NELL2: variants seen among roughly 807,000 people sequenced by gnomAD.
NELL2 encodes the protein neural EGFL like 2.
In NELL2, 41 loss-of-function variants were observed where a neutral mutation model predicts 109.6. That is an observed-to-expected ratio of 0.37 (90% CI 0.29 to 0.49). The LOEUF (loss-of-function observed/expected upper bound fraction) is 0.49, where lower values mean the gene tolerates loss of function less well. NELL2 is among the 20% of genes least tolerant of loss of function. The pLI, the probability that NELL2 is intolerant of heterozygous loss-of-function variation, is 0.98. For missense variants in NELL2, 900 were observed against 1,008.3 expected (o/e 0.89, Z 1.45); for synonymous variants, 355 against 344.7 (o/e 1.03, Z -0.33).
At chr12:44,703,922 T>C in intron 11 of NELL2, 68 bp from the exon 12 acceptor site, 1 of 1,388,666 alleles carries the variant, frequency 7.2e-7, no homozygotes. Flanking sequence ...TCCTACTTAA[T>C]ATTTTCTTTA....
At chr12:44,799,873 T>C (rs1270895123) in intron 3 of NELL2, among the ~76,000 whole-genome samples, 4 of 152,200 alleles carry the variant, frequency 2.6e-5, no homozygotes, top group Non-Finnish European at 5.9e-5. Flanking sequence ...TTCTACATTA[T>C]GTTTAAACAT....
intron 15 of NELL2, among the ~76,000 whole-genome samples, chr12:44,593,352 G>A (rs766660635): frequency 2.0e-5 from 3 of 152,148 alleles, no homozygotes; most frequent in South Asian, 2.1e-4. Context: ...TGCAAAAAAA[G>A]GCAGTCAGGC....
intron 9 of NELL2, among the ~76,000 whole-genome samples, chr12:44,773,435 C>T (rs977168620): frequency 3.3e-5 from 5 of 151,726 alleles, no homozygotes; most frequent in Non-Finnish European, 7.4e-5. Flanking sequence ...GAAATCACGC[C>T]ACTGCACTCC....
chr12:44,565,832 G>A (rs568522984), intron 15 of NELL2, among the ~76,000 whole-genome samples: 7 of 152,282 alleles, frequency 4.6e-5, no homozygotes, highest in Admixed American at 3.9e-4. Context: ...TAGTGGGGAA[G>A]GAATGGGAAA....
intron 3 of NELL2, 143 bp downstream of exon 3, chr12:44,815,843 T>G: frequency 1.2e-6 from 1 of 816,642 alleles, no homozygotes; most frequent in Non-Finnish European, 1.8e-6. Flanking sequence ...GGTCTTGAAC[T>G]CCTGACCTCG....
intron 13 of NELL2, among the ~76,000 whole-genome samples, chr12:44,654,924 C>T (rs749746777): frequency 2.6e-5 from 4 of 152,134 alleles, no homozygotes; most frequent in Middle Eastern, 3.2e-3. Flanking sequence ...TTCATCCTGG[C>T]TAACATGTCA....
chr12:44,653,197 G>A (rs1444305995), intron 13 of NELL2, among the ~76,000 whole-genome samples: 1 of 152,092 alleles, frequency 6.6e-6, no homozygotes, highest in African/African-American at 2.4e-5. Flanking sequence ...TGCTTATTAT[G>A]TTCCAGGTAT....
intron 13 of NELL2, among the ~76,000 whole-genome samples, chr12:44,634,255 G>A (rs1946557474): frequency 1.3e-5 from 2 of 151,976 alleles, no homozygotes; most frequent in African/African-American, 2.4e-5. Context: ...CATGTGTCAC[G>A]GTGGTTTGCT....
intron 15 of NELL2, among the ~76,000 whole-genome samples, chr12:44,551,160 C>A (rs1283208843): frequency 6.6e-6 from 1 of 152,142 alleles, no homozygotes; most frequent in African/African-American, 2.4e-5. Flanking sequence ...TAATTATATA[C>A]AGCCTTTTGT....
intron 13 of NELL2, among the ~76,000 whole-genome samples, chr12:44,628,314 C>T (rs987673766): frequency 1.1e-4 from 16 of 152,116 alleles, no homozygotes; most frequent in Admixed American, 1.0e-3. Context: ...TTAGACTTTG[C>T]AGTTATCCAG....
At chr12:44,759,646 G>C (rs1304665747) in intron 9 of NELL2, among the ~76,000 whole-genome samples, 3 of 152,126 alleles carry the variant, frequency 2.0e-5, no homozygotes, top group Admixed American at 2.0e-4. Context: ...ATTAAATTCT[G>C]GGATGTTTTG....
rs372768440 is a variant in NELL2, at chr12:44,684,483, T to C, written c.1319-18874A>G. On this transcript the variant is annotated intron_variant, in intron 12 of 19. Transcript: ENST00000429094. Reference sequence around the variant, plus strand: ...AGCTTTTGAATGTGTTTGCTCTTGCTTTTCTAGTTCTTTTAATTGTGATGT... The same window carrying C: ...AGCTTTTGAATGTGTTTGCTCTTGCCTTTCTAGTTCTTTTAATTGTGATGT... Among the ~76,000 whole-genome samples the C allele has an allele frequency of 5.1e-3, 774 of 152,320 alleles. 5 individuals are homozygous for C. The highest frequency in any genetic ancestry group is 8.1e-3 in the Non-Finnish European group (548 of 68,016).
chr12:44,520,220 C>T lies in NELL2; in HGVS notation c.2185G>A (p.Val729Ile). Reference sequence around the variant, plus strand: ...GGGCAAGGCAGGGGCCAACAATCAACTTCCCCTTGCTACAAGGAAAGCAGA... The same window carrying T: ...GGGCAAGGCAGGGGCCAACAATCAATTTCCCCTTGCTACAAGGAAAGCAGA... The part of the protein sequence containing the change: ...CQQCRCLQGE[V>I]DCWPLPCPDV... The change falls in exon 19 of 20, where the codon GTT (valine) becomes ATT (isoleucine). Residue 729 changes from valine (V) to isoleucine (I), a missense_variant. Val to Ile is a conservative substitution (Grantham distance 29, BLOSUM62 3). Coordinates refer to ENST00000429094, the MANE Select transcript of NELL2 (RefSeq NM_001145108.2). The T allele has an allele frequency of 3.7e-6, 6 of 1,609,924 alleles. No individual in the cohort carries two copies. Among genetic ancestry groups the T allele is most frequent in the Non-Finnish European group, 5.1e-6 (6 of 1,178,196 alleles).
At chr12:44,884,597 C>G (rs1945450140) in intron 1 of NELL2, among the ~76,000 whole-genome samples, 1 of 151,844 alleles carries the variant, frequency 6.6e-6, no homozygotes, top group African/African-American at 2.4e-5. Flanking sequence ...GAAAATAAAA[C>G]TAGAACATAG....
chr12:44,641,365 A>G (rs1294215410), intron 13 of NELL2, among the ~76,000 whole-genome samples: 2 of 152,214 alleles, frequency 1.3e-5, no homozygotes, highest in Non-Finnish European at 2.9e-5. Context: ...AATTCATGAT[A>G]CAAATGGATA....
At chr12:44,788,019 A>G (rs112365220) in intron 3 of NELL2, among the ~76,000 whole-genome samples, 2,596 of 152,324 alleles carry the variant, frequency 0.017, 71 homozygotes, top group African/African-American at 0.057. Flanking sequence ...ATGAAAAGAC[A>G]TGCTACAGTT....
chr12:44,629,930 A>G (rs1201090607), intron 13 of NELL2, among the ~76,000 whole-genome samples: 1 of 152,164 alleles, frequency 6.6e-6, no homozygotes, highest in African/African-American at 2.4e-5. Context: ...GACATTTCCA[A>G]GTAGAATCAC....
rs572287366 is a variant in NELL2, at chr12:44,564,907, C to T, written c.1664-32186G>A. Among the ~76,000 whole-genome samples, 6 of 152,266 alleles carry T rather than the reference C, an allele frequency of 3.9e-5. No individual in the cohort carries two copies. The East Asian group carries it at 1.2e-3, about 29-fold the overall frequency. Reference sequence around the variant, plus strand: ...ATCAACCCATGCACATTTGGAAGCTCCGCTTGAGAGTTAAACATTGAAAAC... The same window carrying T: ...ATCAACCCATGCACATTTGGAAGCTTCGCTTGAGAGTTAAACATTGAAAAC... On this transcript the variant is annotated intron_variant, in intron 15 of 19. Transcript: ENST00000429094.
At chr12:44,528,593 C>T (rs1405551615) in intron 16 of NELL2, among the ~76,000 whole-genome samples, 2 of 152,202 alleles carry the variant, frequency 1.3e-5, no homozygotes, top group African/African-American at 4.8e-5. Flanking sequence ...GTATCATCTA[C>T]TATGTGCCAG....
Sources: gnomAD v4.1 joint callset for allele counts (sites outside exome capture counted in the v4.1 genomes callset) on GRCh38, gnomAD v4.1.1 for gene constraint, MANE v1.5 for transcripts, NCBI Gene and HGNC (gene_info 2026-07-23, HGNC 2026-07-21) for gene names.